The following LAMA2 variants were observed in gnomAD, a reference collection of about 807,000 sequenced individuals.
The protein encoded by LAMA2 is laminin subunit alpha 2, also known as laminin subunit alpha-2.
A neutral mutation model predicts 364.8 loss-of-function variants in LAMA2; 269 were observed. The observed-to-expected ratio is 0.74, with a 90% CI of 0.67 to 0.82. The LOEUF is 0.82. Among genes scored for constraint, LAMA2 ranks in the 40% least tolerant of loss-of-function variants. The probability of loss-of-function intolerance (pLI) is 0.00; values close to 1 mark genes in which losing one functional copy is unlikely to be tolerated. For synonymous variants in LAMA2, 1,379 were observed against 1,370.6 expected, an observed-to-expected ratio of 1.01 and a Z score of -0.14; for missense variants, 3,807 against 3,873.2, an observed-to-expected ratio of 0.98 and a Z score of 0.45.
chr6:129,141,921 A>G (rs1778144099), intron 4 of LAMA2, among the ~76,000 whole-genome samples: 1 of 151,814 alleles, frequency 6.6e-6, no homozygotes, highest in Admixed American at 6.6e-5. Context: ...AAAATCTACC[A>G]CTCAATTTCA....
At chr6:129,374,517 G>A (rs561903563) in intron 34 of LAMA2, among the ~76,000 whole-genome samples, 2 of 151,984 alleles carry the variant, frequency 1.3e-5, no homozygotes, top group African/African-American at 4.8e-5. Context: ...CTGTGATCCT[G>A]TAGTTACCTA....
chr6:128,928,239 T>C (rs1779221795), intron 1 of LAMA2, among the ~76,000 whole-genome samples: 1 of 152,244 alleles, frequency 6.6e-6, no homozygotes, highest in Non-Finnish European at 1.5e-5. Flanking sequence ...TATTGGTCCT[T>C]AATGTCCTGT....
At chr6:129,303,813 A>G (rs368048657) in intron 22 of LAMA2, among the ~76,000 whole-genome samples, 2 of 152,284 alleles carry the variant, frequency 1.3e-5, no homozygotes, top group East Asian at 3.9e-4. Context: ...CCTGTTTGCT[A>G]GCATTTTCTT....
At position 129,516,404 on chromosome 6, in the gene LAMA2, A is replaced by C. The variant is rs1049473; in HGVS notation, c.*57A>C. 18,178 of 1,523,584 alleles carry C rather than the reference A, an allele frequency of 0.012. 971 individuals are homozygous for C. In the East Asian group the frequency reaches 0.17, roughly 15 times the overall value. 94.4% of individuals were successfully genotyped at this position (1,523,584 alleles called of 1,614,324 possible). ...TCAAAACAAGTATATCAAGTAAAAC[A>C]AACAAATATATTTTACCTATATATG... On this transcript the variant is annotated 3_prime_UTR_variant, in exon 65 of 65. Transcript: ENST00000421865.
At chr6:128,943,450 G>T (rs1336913117) in intron 1 of LAMA2, among the ~76,000 whole-genome samples, 1 of 149,682 alleles carries the variant, frequency 6.7e-6, no homozygotes, top group Non-Finnish European at 1.5e-5. Flanking sequence ...CACCCAGTTA[G>T]TTATTGTACT....
intron 35 of LAMA2, among the ~76,000 whole-genome samples, chr6:129,386,571 G>A (rs1779029928): frequency 6.6e-6 from 1 of 152,004 alleles, no homozygotes; most frequent in African/African-American, 2.4e-5. Flanking sequence ...AAACTAGACA[G>A]TTCACCATAC....
At chr6:129,411,869 CATA>C (rs1185656018) in intron 40 of LAMA2, among the ~76,000 whole-genome samples, 8 of 151,854 alleles carry the variant, frequency 5.3e-5, no homozygotes, top group South Asian at 4.2e-4. Context: ...TTATGGAAAG[CATA>C]ATGATAATAA....
intron 38 of LAMA2, among the ~76,000 whole-genome samples, chr6:129,402,041 C>T (rs1780004850): frequency 6.6e-6 from 1 of 151,896 alleles, no homozygotes; most frequent in African/African-American, 2.4e-5. Flanking sequence ...AACCCCGTCT[C>T]TATTAAATAT....
intron 34 of LAMA2, among the ~76,000 whole-genome samples, chr6:129,377,294 A>G (rs1188821579): frequency 6.6e-6 from 1 of 152,138 alleles, no homozygotes; most frequent in Middle Eastern, 3.2e-3. Flanking sequence ...AAACGATTTA[A>G]GTGCCAATAT....
At chr6:129,291,099 G>T (rs1026724142) in intron 19 of LAMA2, among the ~76,000 whole-genome samples, 9 of 152,082 alleles carry the variant, frequency 5.9e-5, no homozygotes, top group African/African-American at 1.9e-4. Context: ...TTTGCCAGGG[G>T]TGCTATTAAT....
At chr6:129,349,726 A>T (rs1157283003) in intron 31 of LAMA2, among the ~76,000 whole-genome samples, 1 of 151,906 alleles carries the variant, frequency 6.6e-6, no homozygotes, top group Non-Finnish European at 1.5e-5. Context: ...ACTAATAAGA[A>T]ACTGGCTACA....
intron 1 of LAMA2, among the ~76,000 whole-genome samples, chr6:129,015,849 A>G (rs1461673213): frequency 6.6e-6 from 1 of 152,026 alleles, no homozygotes; most frequent in Non-Finnish European, 1.5e-5. Flanking sequence ...TTTTAACTGT[A>G]GTGGAAATTT....
intron 1 of LAMA2, among the ~76,000 whole-genome samples, chr6:129,012,288 ACT>A (rs955081746): frequency 6.6e-6 from 1 of 152,072 alleles, no homozygotes; most frequent in Admixed American, 6.5e-5. Flanking sequence ...TGACTCACTC[ACT>A]GTTATTAATA....
chr6:129,308,735 T>C (rs1774031559), intron 22 of LAMA2, among the ~76,000 whole-genome samples: 1 of 152,208 alleles, frequency 6.6e-6, no homozygotes, highest in Non-Finnish European at 1.5e-5. Context: ...TTTAATGGGC[T>C]CACAGTTCTG....
In LAMA2 at chr6:129,500,384, T is replaced by C. The variant is rs528139813; in HGVS notation, c.8245-2275T>C. Among the ~76,000 whole-genome samples the C allele has an allele frequency of 1.2e-4, 19 of 152,306 alleles. No individual in the cohort carries two copies. The South Asian group carries it at 3.9e-3, about 32-fold the overall frequency. On this transcript the variant is annotated intron_variant, in intron 58 of 64. Transcript: ENST00000421865. ...ACAAAGGACTATACACCATAATGGC[T>C]TTAAACTTTGAGGTTACATGTTAGA...
chr6:129,453,801 T>A (rs1472167758), intron 46 of LAMA2, among the ~76,000 whole-genome samples: 1 of 152,128 alleles, frequency 6.6e-6, no homozygotes, highest in Non-Finnish European at 1.5e-5. Context: ...AATGTCAGTG[T>A]CCTTGGTGAA....
At chr6:129,042,255 G>C (rs892738033) in intron 1 of LAMA2, among the ~76,000 whole-genome samples, 3 of 150,460 alleles carry the variant, frequency 2.0e-5, no homozygotes, top group Admixed American at 6.6e-5. Context: ...CAGTGAGTTG[G>C]GATCATACTA....
chr6:128,908,350 T>C (rs1777643032), intron 1 of LAMA2, among the ~76,000 whole-genome samples: 1 of 152,104 alleles, frequency 6.6e-6, no homozygotes, highest in South Asian at 2.1e-4. Context: ...AACTTCTTCC[T>C]GGTTTAGTCT....
intron 51 of LAMA2, 101 bp downstream of exon 51, chr6:129,465,390 C>T: frequency 1.9e-6 from 2 of 1,044,204 alleles, no homozygotes; most frequent in South Asian, 2.6e-5. Context: ...ATTTTAGCTA[C>T]TCACGAGTTC....
Sources: allele counts gnomAD v4.1 joint callset (sites outside exome capture counted in the v4.1 genomes callset), GRCh38; gene constraint gnomAD v4.1.1; transcripts MANE v1.5; gene names NCBI Gene and HGNC (gene_info 2026-07-23, HGNC 2026-07-21).